Variants in IQSEC1 observed in about 807,000 individuals in gnomAD.
IQSEC1 encodes IQ motif and SEC7 domain-containing protein 1.
A neutral mutation model predicts 91.0 loss-of-function variants in IQSEC1; 31 were observed. That is an observed-to-expected ratio of 0.34 (90% CI 0.26 to 0.46). The LOEUF (loss-of-function observed/expected upper bound fraction) is 0.46, where lower values mean the gene tolerates loss of function less well. IQSEC1 is among the 20% of genes least tolerant of loss of function. IQSEC1 has a pLI of 1.00. For missense variants in IQSEC1, 1,388 were observed against 1,575.6 expected (o/e 0.88, Z 2.02); for synonymous variants, 699 against 662.6 (o/e 1.05, Z -0.84).
At chr3:13,029,182 C>T (rs976990792) in intron 1 of IQSEC1, among the ~76,000 whole-genome samples, 7 of 152,208 alleles carry the variant, frequency 4.6e-5, no homozygotes, top group African/African-American at 1.7e-4. Context: ...TGACACAGCT[C>T]TCCATCAACA....
chr3:13,139,019 A>T (rs1706757310), intron 2 of IQSEC1, among the ~76,000 whole-genome samples: 1 of 151,996 alleles, frequency 6.6e-6, no homozygotes, highest in East Asian at 1.9e-4. Flanking sequence ...TGTCTGCCTC[A>T]CAACCAGCAT....
intron 3 of IQSEC1, among the ~76,000 whole-genome samples, chr3:12,930,681 G>A (rs1386331769): frequency 1.3e-5 from 2 of 152,186 alleles, no homozygotes; most frequent in Non-Finnish European, 2.9e-5. Flanking sequence ...AGAAATACCC[G>A]GGACTTTTCA....
intron 1 of IQSEC1, among the ~76,000 whole-genome samples, chr3:13,257,684 C>T (rs1327333763): frequency 1.3e-5 from 2 of 152,206 alleles, no homozygotes; most frequent in Admixed American, 6.5e-5. Flanking sequence ...TCCTCTGAAC[C>T]CGGAGCCCCT....
chr3:13,104,219 G>A (rs1706108771), intron 2 of IQSEC1, among the ~76,000 whole-genome samples: 1 of 152,100 alleles, frequency 6.6e-6, no homozygotes, highest in African/African-American at 2.4e-5. Flanking sequence ...AATAAATGGT[G>A]ACTTCTGCAC....
intron 1 of IQSEC1, among the ~76,000 whole-genome samples, chr3:13,053,870 C>T (rs1208234071): frequency 6.6e-6 from 1 of 152,198 alleles, no homozygotes; most frequent in African/African-American, 2.4e-5. Context: ...CAGTGAAACA[C>T]AACAAGGAAA....
At chr3:13,236,775 C>T (rs919147925) in intron 1 of IQSEC1, among the ~76,000 whole-genome samples, 6 of 152,358 alleles carry the variant, frequency 3.9e-5, no homozygotes, top group South Asian at 4.1e-4. Context: ...GCATCATCTA[C>T]GCTGCCATCA....
At position 12,922,360 on chromosome 3, in the gene IQSEC1, C is replaced by T; in HGVS notation, c.1731-118G>A. 1.6e-6 allele frequency: 2 copies of T among 1,263,698 alleles called. No homozygotes were observed. Among genetic ancestry groups the T allele is most frequent in the African/African-American group, 3.1e-5 (2 of 65,358 alleles). 78.3% of individuals were successfully genotyped at this position (1,263,698 alleles called of 1,614,324 possible). On this transcript the variant is annotated intron_variant, in intron 4 of 13. Coordinates refer to ENST00000613206, the MANE Select transcript of IQSEC1 (RefSeq NM_001134382.3). The surrounding 1 kb of genome is among the most constrained non-coding windows in gnomAD (Gnocchi z 5.1). ...ATGGACCGCCTCCTGGCAGGGAGAGCCCCTGCCTGACTCCGACCAATCAGC... is the reference window on the plus strand; with the variant it reads ...ATGGACCGCCTCCTGGCAGGGAGAGTCCCTGCCTGACTCCGACCAATCAGC...
intron 1 of IQSEC1, among the ~76,000 whole-genome samples, chr3:13,238,560 G>A (rs1173144322): frequency 6.6e-6 from 1 of 152,176 alleles, no homozygotes; most frequent in Admixed American, 6.5e-5. Flanking sequence ...GTAGGAGCTC[G>A]ACACAGGCAG....
At chr3:13,081,497 G>A (rs1705646574) in intron 2 of IQSEC1, among the ~76,000 whole-genome samples, 1 of 151,556 alleles carries the variant, frequency 6.6e-6, no homozygotes, top group South Asian at 2.1e-4. Context: ...TCAAGCTCCT[G>A]GCACCAATGG....
intron 1 of IQSEC1, among the ~76,000 whole-genome samples, chr3:13,277,516 G>A (rs1695710246): frequency 6.6e-6 from 1 of 152,130 alleles, no homozygotes; most frequent in Admixed American, 6.5e-5. Context: ...GGAGAGCTTC[G>A]GAGACACACT....
At chr3:12,944,609 G>A (rs952726503) in intron 1 of IQSEC1, among the ~76,000 whole-genome samples, 1 of 152,242 alleles carries the variant, frequency 6.6e-6, no homozygotes, top group Non-Finnish European at 1.5e-5. Context: ...CCCGGGACTG[G>A]AAGCACTTCA....
At chr3:13,061,043 C>T (rs1365873961) in intron 1 of IQSEC1, among the ~76,000 whole-genome samples, 1 of 152,174 alleles carries the variant, frequency 6.6e-6, no homozygotes, top group African/African-American at 2.4e-5. Context: ...TAAACCAATA[C>T]ACATACACAA....
intron 1 of IQSEC1, among the ~76,000 whole-genome samples, chr3:13,234,251 C>T (rs1262125590): frequency 1.6e-4 from 23 of 147,812 alleles, no homozygotes; most frequent in Non-Finnish European, 2.1e-4. Context: ...TGTGAGCCCC[C>T]GTGTCTGTGC....
intron 2 of IQSEC1, among the ~76,000 whole-genome samples, chr3:13,099,187 G>A (rs1316890269): frequency 1.3e-5 from 2 of 152,174 alleles, no homozygotes; most frequent in African/African-American, 4.8e-5. Flanking sequence ...AGCCCTGGGG[G>A]CCATAGCCCC....
intron 1 of IQSEC1, among the ~76,000 whole-genome samples, chr3:12,963,748 C>A (rs1700382366): frequency 1.3e-5 from 2 of 152,362 alleles, no homozygotes. Flanking sequence ...TACCATTTCA[C>A]ACTACTAACC....
upstream of IQSEC1, among the ~76,000 whole-genome samples, chr3:13,073,887 G>A (rs368472192): frequency 2.0e-5 from 3 of 152,356 alleles, no homozygotes; most frequent in South Asian, 2.1e-4. Context: ...ATACCACGGG[G>A]TTCCAGGAGG....
chr3:13,052,617 C>A (rs1297811971), intron 1 of IQSEC1, among the ~76,000 whole-genome samples: 2 of 152,196 alleles, frequency 1.3e-5, no homozygotes, highest in Non-Finnish European at 2.9e-5. Context: ...AAAGAAACTG[C>A]CAAACTGTTT....
chr3:13,041,318 C>T (rs1704258292), intron 1 of IQSEC1, among the ~76,000 whole-genome samples: 1 of 152,108 alleles, frequency 6.6e-6, no homozygotes, highest in Non-Finnish European at 1.5e-5. Context: ...GCAGGACAGG[C>T]CTCTCTCGCT....
At chr3:13,242,767 C>T (rs2125105049) in intron 1 of IQSEC1, among the ~76,000 whole-genome samples, 2 of 152,256 alleles carry the variant, frequency 1.3e-5, no homozygotes, top group East Asian at 3.9e-4. Flanking sequence ...GAAGCCCCTT[C>T]AGGCTTCACG....
Sources: allele counts gnomAD v4.1 joint callset (sites outside exome capture counted in the v4.1 genomes callset), GRCh38; gene constraint gnomAD v4.1.1; non-coding constraint Gnocchi (gnomAD v3.1); transcripts MANE v1.5; gene names NCBI Gene and HGNC (gene_info 2026-07-23, HGNC 2026-07-21).